Variants in MBOAT2 observed in about 807,000 individuals in gnomAD.
MBOAT2 encodes the protein membrane-bound glycerophospholipid O-acyltransferase 2.
In MBOAT2, 28 loss-of-function variants were observed where a neutral mutation model predicts 63.4. The observed-to-expected ratio is 0.44, with a 90% CI of 0.33 to 0.61. The LOEUF is 0.61. Ranked by LOEUF, MBOAT2 falls within the 20% of genes least tolerant of loss-of-function variation. The pLI, the probability that MBOAT2 is intolerant of heterozygous loss-of-function variation, is 0.03. For missense variants in MBOAT2, 470 were observed against 605.8 expected (o/e 0.78, Z 2.35); for synonymous variants, 211 against 215.6 (o/e 0.98, Z 0.19).
intron 4 of MBOAT2, among the ~76,000 whole-genome samples, chr2:8,906,068 C>T (rs1017107358): frequency 2.0e-5 from 3 of 152,172 alleles, no homozygotes; most frequent in African/African-American, 7.2e-5. Context: ...AGCAACTCTT[C>T]CCACCTCAGC....
chr2:8,974,500 T>C, intron 1 of MBOAT2: 1 of 452,204 alleles, frequency 2.2e-6, no homozygotes, highest in South Asian at 1.6e-5. Context: ...ATGAGGTTGC[T>C]GAGCCACTGA....
chr2:8,963,914 G>A (rs1669804310), intron 1 of MBOAT2, among the ~76,000 whole-genome samples: 1 of 152,174 alleles, frequency 6.6e-6, no homozygotes, highest in Non-Finnish European at 1.5e-5. Context: ...GCAGCGCACT[G>A]TGCTTTACAA....
intron 9 of MBOAT2, among the ~76,000 whole-genome samples, chr2:8,868,049 C>T (rs915228414): frequency 1.3e-5 from 2 of 152,194 alleles, no homozygotes; most frequent in Admixed American, 6.5e-5. Context: ...GCTGCTCCCT[C>T]TACTTGGAGT....
chr2:8,972,934 G>A (rs1573214209), intron 1 of MBOAT2, among the ~76,000 whole-genome samples: 1 of 152,300 alleles, frequency 6.6e-6, no homozygotes, highest in East Asian at 1.9e-4. Context: ...CTGTAAACTG[G>A]TTCAACCATT....
chr2:8,913,377 C>G (rs1315680410), intron 3 of MBOAT2, among the ~76,000 whole-genome samples: 1 of 151,872 alleles, frequency 6.6e-6, no homozygotes, highest in African/African-American at 2.4e-5. Context: ...GCAAAAGGAA[C>G]AGTCAGCAGA....
intron 2 of MBOAT2, among the ~76,000 whole-genome samples, chr2:8,948,777 A>G (rs1668604840): frequency 6.6e-6 from 1 of 152,166 alleles, no homozygotes; most frequent in African/African-American, 2.4e-5. Flanking sequence ...TGTCTTTGCT[A>G]TTGTGAACAG....
intron 3 of MBOAT2, among the ~76,000 whole-genome samples, chr2:8,934,796 A>G (rs1261628501): frequency 6.6e-6 from 1 of 152,014 alleles, no homozygotes; most frequent in African/African-American, 2.4e-5. Context: ...TGAAGTTAGT[A>G]TTTTCCCCAA....
intron 9 of MBOAT2, among the ~76,000 whole-genome samples, chr2:8,866,159 C>G (rs1661878228): frequency 6.6e-6 from 1 of 152,230 alleles, no homozygotes; most frequent in African/African-American, 2.4e-5. Flanking sequence ...AAAATTAACT[C>G]CTTTCTTTAC....
At chr2:8,951,221 T>C (rs1361255954) in intron 2 of MBOAT2, among the ~76,000 whole-genome samples, 5 of 151,814 alleles carry the variant, frequency 3.3e-5, no homozygotes, top group African/African-American at 1.2e-4. Flanking sequence ...TTTTTTTTTT[T>C]TGAGACAGAG....
Position 8,861,602 on chromosome 2 carries a change from C to T in MBOAT2, c.1186-838G>A, listed in dbSNP as rs146876601. On this transcript the variant is annotated intron_variant, in intron 11 of 12. Transcript: ENST00000305997. ...ATTATGGGTTTTGCTAATGTCCTTC[C>T]GATGCTTAGAATGTCATTTTCTTCC... 1.5e-4 allele frequency among the ~76,000 whole-genome samples: 23 copies of T among 152,214 alleles called. No individual in the cohort carries two copies. In the East Asian group the frequency reaches 1.5e-3, roughly 10 times the overall value.
At chr2:8,906,010 TGCAGTGG>T in intron 4 of MBOAT2, among the ~76,000 whole-genome samples, 6 of 152,192 alleles carry the variant, frequency 3.9e-5, no homozygotes, top group Non-Finnish European at 8.8e-5. Context: ...TGGGCTGGAG[TGCAGTGG>T]TGCAATCTCA....
At position 8,873,109 on chromosome 2, in the gene MBOAT2, T is replaced by C. The variant is rs1400004554; in HGVS notation, c.882A>G (p.Leu294=). ...GAAATCTATTTACATGTTACTTACC[T>C]AGCGTCCATGCAAAATAGTATTTGG... ...ARPKYYFAWT[L]ADAINNAAGF... The change falls in exon 8 of 13, where the codon CTA becomes CTG. Residue 294 remains leucine, a splice_region_variant and synonymous_variant. Transcript: ENST00000305997. 4 of 1,613,278 alleles carry C rather than the reference T, an allele frequency of 2.5e-6. No individual in the cohort carries two copies. Among genetic ancestry groups the C allele is most frequent in the Non-Finnish European group, 3.4e-6 (4 of 1,179,328 alleles).
intron 2 of MBOAT2, among the ~76,000 whole-genome samples, chr2:8,952,883 C>T (rs1488477145): frequency 6.6e-6 from 1 of 152,008 alleles, no homozygotes; most frequent in African/African-American, 2.4e-5. Flanking sequence ...TGAGATGGGG[C>T]TCTTGAAAAC....
chr2:8,903,312 G>A (rs184906566), intron 4 of MBOAT2, among the ~76,000 whole-genome samples: 279 of 152,192 alleles, frequency 1.8e-3, no homozygotes, highest in Non-Finnish European at 2.0e-3. Context: ...AAAAGTACCT[G>A]GCTCAGCCTT....
At chr2:8,881,700 C>G (rs902573554) in intron 6 of MBOAT2, among the ~76,000 whole-genome samples, 4 of 152,028 alleles carry the variant, frequency 2.6e-5, no homozygotes, top group Non-Finnish European at 5.9e-5. Flanking sequence ...TTTATTGATA[C>G]ATAAAGATTG....
chr2:8,901,158 C>T (rs1573002037), intron 4 of MBOAT2, among the ~76,000 whole-genome samples: 1 of 151,960 alleles, frequency 6.6e-6, no homozygotes, highest in African/African-American at 2.4e-5. Context: ...CTGCAATGGT[C>T]CCTGGACCCT....
chr2:8,859,484 G>GTC (rs779332968), intron 12 of MBOAT2, among the ~76,000 whole-genome samples: 50 of 152,130 alleles, frequency 3.3e-4, no homozygotes, highest in Non-Finnish European at 7.4e-5. Flanking sequence ...ATCTATAACT[G>GTC]TAAGTTCAAG....
At position 8,965,285 on chromosome 2, in the gene MBOAT2, C is replaced by T. The variant is rs557789260; in HGVS notation, c.76-6643G>A. On this transcript the variant is annotated intron_variant, in intron 1 of 12. Coordinates refer to ENST00000305997, the MANE Select transcript of MBOAT2 (RefSeq NM_138799.4). ...TTCCTACTTAAACCAAATACCTTAG[C>T]GCTCCCAGTGCTAACATTTTCCATT... Among the ~76,000 whole-genome samples the T allele has an allele frequency of 1.6e-4, 25 of 152,250 alleles. No homozygotes were observed. In the South Asian group the frequency reaches 5.0e-3, roughly 30 times the overall value.
At chr2:8,937,691 T>C (rs1197441235) in intron 3 of MBOAT2, among the ~76,000 whole-genome samples, 1 of 151,914 alleles carries the variant, frequency 6.6e-6, no homozygotes, top group African/African-American at 2.4e-5. Flanking sequence ...AAAAGAGACA[T>C]TTTCCAGGAA....
Sources: gnomAD v4.1 joint callset for allele counts (sites outside exome capture counted in the v4.1 genomes callset) on GRCh38, gnomAD v4.1.1 for gene constraint, MANE v1.5 for transcripts, NCBI Gene and HGNC (gene_info 2026-07-23, HGNC 2026-07-21) for gene names.